Variants in LRP1B observed in about 807,000 individuals in gnomAD.
The protein encoded by LRP1B is LDL receptor related protein 1B, also known as low-density lipoprotein receptor-related protein 1B.
LRP1B carries 217 observed loss-of-function variants against 556.6 expected under a neutral mutation model. That is an observed-to-expected ratio of 0.39 (90% CI 0.35 to 0.44). LRP1B has a LOEUF of 0.44. Among genes scored for constraint, LRP1B ranks in the 20% least tolerant of loss-of-function variants. The pLI is 1.00. For synonymous variants in LRP1B, 2,047 were observed against 1,865.8 expected (o/e 1.10, Z -2.50); for missense variants, 5,053 against 5,620.8 (o/e 0.90, Z 3.23).
At chr2:140,308,487 C>T (rs541670571) in intron 83 of LRP1B, among the ~76,000 whole-genome samples, 1 of 151,844 alleles carries the variant, frequency 6.6e-6, no homozygotes, top group African/African-American at 2.4e-5. Context: ...TATTAGTCTG[C>T]TCTCTTTTTA....
At chr2:141,416,396 C>G (rs1691101240) in intron 3 of LRP1B, among the ~76,000 whole-genome samples, 1 of 150,956 alleles carries the variant, frequency 6.6e-6, no homozygotes, top group Non-Finnish European at 1.5e-5. Flanking sequence ...AAGACATAAG[C>G]TGCTTAGCAC....
rs563681902 is a variant in LRP1B, at chr2:141,799,556, T to C, written c.205+10723A>G. Among the ~76,000 whole-genome samples the C allele has an allele frequency of 3.3e-5, 5 of 152,104 alleles. No homozygotes were observed. In the East Asian group the frequency reaches 5.8e-4, roughly 18 times the overall value. On this transcript the variant is annotated intron_variant, in intron 2 of 90. Coordinates refer to ENST00000389484, the MANE Select transcript of LRP1B (RefSeq NM_018557.3). Reference sequence around the variant, plus strand: ...AATTCAGCCAAGACCCTAAATAAACTTGGAGGCTGATTCTTCCTCACACCC... The same window carrying C: ...AATTCAGCCAAGACCCTAAATAAACCTGGAGGCTGATTCTTCCTCACACCC...
intron 1 of LRP1B, among the ~76,000 whole-genome samples, chr2:141,830,727 A>C (rs1697087914): frequency 6.6e-6 from 1 of 151,782 alleles, no homozygotes; most frequent in Non-Finnish European, 1.5e-5. Context: ...TATTTACATA[A>C]ATTTTAAAAT....
chr2:142,056,890 C>A (rs982328624), intron 1 of LRP1B, among the ~76,000 whole-genome samples: 1 of 147,072 alleles, frequency 6.8e-6, no homozygotes, highest in African/African-American at 2.5e-5. Context: ...ATTTAATATC[C>A]TTTATTGCAA....
intron 53 of LRP1B, among the ~76,000 whole-genome samples, chr2:140,505,525 C>T (rs539930201): frequency 2.0e-5 from 3 of 152,178 alleles, no homozygotes; most frequent in Admixed American, 6.5e-5. Context: ...TCTGTTTTTT[C>T]CATTCATCTG....
At chr2:141,401,967 G>A (rs1447584890) in intron 3 of LRP1B, among the ~76,000 whole-genome samples, 3 of 152,062 alleles carry the variant, frequency 2.0e-5, no homozygotes, top group Non-Finnish European at 4.4e-5. Context: ...ATATTTGAAC[G>A]CATCCTTCTT....
intron 6 of LRP1B, among the ~76,000 whole-genome samples, chr2:141,200,907 T>C (rs1681986954): frequency 6.6e-6 from 1 of 152,196 alleles, no homozygotes; most frequent in Non-Finnish European, 1.5e-5. Flanking sequence ...GCTCAAAAAA[T>C]TCCTGCCTAA....
intron 3 of LRP1B, among the ~76,000 whole-genome samples, chr2:141,385,284 A>G (rs1307953862): frequency 6.6e-6 from 1 of 152,322 alleles, no homozygotes; most frequent in East Asian, 1.9e-4. Flanking sequence ...GTAATTGAAG[A>G]AAAAAGAGGA....
chr2:140,866,684 A>G (rs1010578538), intron 27 of LRP1B, among the ~76,000 whole-genome samples: 3 of 152,148 alleles, frequency 2.0e-5, no homozygotes, highest in Non-Finnish European at 4.4e-5. Flanking sequence ...TGGTAGAATA[A>G]ATAGTATCAA....
intron 32 of LRP1B, among the ~76,000 whole-genome samples, chr2:140,780,010 A>G (rs1447353159): frequency 2.0e-5 from 3 of 152,100 alleles, no homozygotes; most frequent in East Asian, 3.9e-4. Context: ...TGAGAATAGA[A>G]GACTCTGGGA....
intron 2 of LRP1B, among the ~76,000 whole-genome samples, chr2:141,690,977 ATTTAATTT>A (rs1691507383): frequency 6.6e-6 from 1 of 151,860 alleles, no homozygotes; most frequent in African/African-American, 2.4e-5. Context: ...AGCAAATGTA[ATTTAATTT>A]AATTTCTTCG....
At chr2:140,766,831 A>ATATTATATAT (rs1159117642) in intron 35 of LRP1B, among the ~76,000 whole-genome samples, 5 of 22,786 alleles carry the variant, frequency 2.2e-4, no homozygotes, top group Admixed American at 5.1e-4. Context: ...AAATATATAT[A>ATATTATATAT]TATATATATA....
intron 3 of LRP1B, among the ~76,000 whole-genome samples, chr2:141,264,025 T>G (rs534813075): frequency 3.7e-4 from 57 of 152,310 alleles, no homozygotes; most frequent in Middle Eastern, 3.4e-3. Context: ...CACGAACATG[T>G]CACAACAGAA....
At position 140,683,677 on chromosome 2, in the gene LRP1B, TG is replaced by T. The variant is rs1433305793; in HGVS notation, c.6799+16572del. 5.7e-6 allele frequency: 4 copies of T among 705,258 alleles called. No homozygotes were observed. The African/African-American group carries it at 7.1e-5, about 12-fold the overall frequency. 43.7% of individuals were successfully genotyped at this position (705,258 alleles called of 1,614,324 possible). On this transcript the variant is annotated intron_variant, in intron 41 of 90. Coordinates refer to ENST00000389484, the MANE Select transcript of LRP1B (RefSeq NM_018557.3). ...CCGCATTTACAGCAAATCTTCAGAA[TG>T]GGTGCCTTCACTCCGGGCTGGACTG...
intron 1 of LRP1B, among the ~76,000 whole-genome samples, chr2:142,070,666 C>T (rs1705278333): frequency 6.6e-6 from 1 of 150,736 alleles, no homozygotes; most frequent in Non-Finnish European, 1.5e-5. Flanking sequence ...ACATTTAATC[C>T]CTTTATCAAC....
rs572513381 is a variant in LRP1B at position 140,578,853 on chromosome 2, T to C, written c.7194+19778A>G. On this transcript the variant is annotated intron_variant, in intron 43 of 90. Transcript: ENST00000389484. Reference sequence around the variant, plus strand: ...TATTTACTTAATTAATCTTGTTTAATGTCTGTTCTCTCACTAAAATATAAT... The same window carrying C: ...TATTTACTTAATTAATCTTGTTTAACGTCTGTTCTCTCACTAAAATATAAT... Among the ~76,000 whole-genome samples the C allele has an allele frequency of 3.3e-5, 5 of 152,356 alleles. No homozygotes were observed. The South Asian group carries it at 8.3e-4, about 25-fold the overall frequency.
chr2:140,702,667 A>T, intron 37 of LRP1B, 114 bp from the exon 38 acceptor site: 1 of 934,966 alleles, frequency 1.1e-6, no homozygotes, highest in Non-Finnish European at 1.6e-6. Flanking sequence ...AATAAAAATA[A>T]TACATTTCGG....
intron 63 of LRP1B, among the ~76,000 whole-genome samples, chr2:140,449,421 A>G (rs1297268583): frequency 3.9e-5 from 6 of 152,266 alleles, no homozygotes; most frequent in African/African-American, 1.2e-4. Flanking sequence ...CAGGAATAAT[A>G]GTGTACTTAT....
intron 3 of LRP1B, among the ~76,000 whole-genome samples, chr2:141,328,045 TA>T (rs972252164): frequency 4.6e-5 from 7 of 152,048 alleles, no homozygotes; most frequent in Admixed American, 3.9e-4. Flanking sequence ...TGAATCTAAA[TA>T]AAAAAAAGAA....
Sources: allele counts gnomAD v4.1 joint callset (sites outside exome capture counted in the v4.1 genomes callset), GRCh38; gene constraint gnomAD v4.1.1; transcripts MANE v1.5; gene names NCBI Gene and HGNC (gene_info 2026-07-23, HGNC 2026-07-21).